Variants in SYNPR observed in about 807,000 individuals in gnomAD.
SYNPR encodes synaptoporin.
Under a neutral mutation model 32.9 loss-of-function variants are expected in SYNPR, and 23 were observed. The ratio of observed to expected loss-of-function variants is 0.70; its 90% CI spans 0.50 to 0.99. The LOEUF is 0.99. Ranked by LOEUF, SYNPR falls within the 50% of genes least tolerant of loss-of-function variation. The pLI is 0.00. For synonymous variants in SYNPR, 146 were observed against 135.9 expected (o/e 1.07, Z -0.52); for missense variants, 318 against 349.3 (o/e 0.91, Z 0.71).
At chr3:63,473,727 T>A (rs944434499) in intron 2 of SYNPR, among the ~76,000 whole-genome samples, 1 of 152,154 alleles carries the variant, frequency 6.6e-6, no homozygotes, top group Non-Finnish European at 1.5e-5. Flanking sequence ...GTGCAAACCA[T>A]GTGAGGACAG....
intron 2 of SYNPR, among the ~76,000 whole-genome samples, chr3:63,457,059 C>T (rs944022330): frequency 3.3e-5 from 5 of 152,054 alleles, no homozygotes; most frequent in African/African-American, 1.2e-4. Flanking sequence ...TAGTCATAAG[C>T]TTTGCCTGTT....
intron 5 of SYNPR, 133 bp from the exon 6 acceptor site, chr3:63,615,091 T>C: frequency 8.9e-7 from 1 of 1,119,796 alleles, no homozygotes; most frequent in Non-Finnish European, 1.2e-6. Context: ...CGGTTCCAAA[T>C]GGAAAACTTG....
intron 2 of SYNPR, among the ~76,000 whole-genome samples, chr3:63,383,586 A>T (rs1474592199): frequency 6.6e-6 from 1 of 152,138 alleles, no homozygotes; most frequent in Admixed American, 6.5e-5. Flanking sequence ...GCATGATTGC[A>T]GTGAGCCGAG....
At chr3:63,218,575 C>G in the SYNPR span, among the ~76,000 whole-genome samples, 1 of 152,160 alleles carries the variant, frequency 6.6e-6, no homozygotes, top group Non-Finnish European at 1.5e-5. Flanking sequence ...GCCTCTCAGG[C>G]TATAAAGTGA....
chr3:63,375,002 C>T (rs918844591), intron 2 of SYNPR, among the ~76,000 whole-genome samples: 1 of 151,996 alleles, frequency 6.6e-6, no homozygotes. Flanking sequence ...CAGAGAAATG[C>T]AAATCAAAAC....
chr3:63,315,010 G>A (rs2087025870), intron 2 of SYNPR, among the ~76,000 whole-genome samples: 1 of 151,762 alleles, frequency 6.6e-6, no homozygotes, highest in South Asian at 2.1e-4. Context: ...CCCACTTTTT[G>A]TTTTTGTTTG....
intron 2 of SYNPR, among the ~76,000 whole-genome samples, chr3:63,361,928 T>C (rs2087667688): frequency 6.6e-6 from 1 of 152,222 alleles, no homozygotes; most frequent in Non-Finnish European, 1.5e-5. Context: ...AGAATATTTT[T>C]GAGGATAGAT....
intron 2 of SYNPR, among the ~76,000 whole-genome samples, chr3:63,261,501 C>G (rs1314520738): frequency 5.7e-5 from 8 of 139,350 alleles, no homozygotes; most frequent in African/African-American, 1.1e-4. Context: ...TCACTCATAG[C>G]TGGGAATTGA....
At chr3:63,431,809 T>TA (rs936873596) in intron 2 of SYNPR, among the ~76,000 whole-genome samples, 4 of 148,184 alleles carry the variant, frequency 2.7e-5, no homozygotes, top group African/African-American at 5.0e-5. Flanking sequence ...GAGTCCTCAT[T>TA]AAAAAAAAGT....
chr3:63,345,842 T>C (rs2087430842), intron 2 of SYNPR, among the ~76,000 whole-genome samples: 1 of 151,952 alleles, frequency 6.6e-6, no homozygotes, highest in South Asian at 2.1e-4. Flanking sequence ...TGAGATGGAC[T>C]CTTGTTCTGT....
intron 4 of SYNPR, among the ~76,000 whole-genome samples, chr3:63,586,172 T>C (rs1173710584): frequency 1.3e-5 from 2 of 152,022 alleles, no homozygotes; most frequent in Non-Finnish European, 2.9e-5. Context: ...TGGGTTGATA[T>C]ATGACAGAAT....
intron 2 of SYNPR, among the ~76,000 whole-genome samples, chr3:63,357,854 T>C (rs1560203848): frequency 6.6e-6 from 1 of 152,232 alleles, no homozygotes; most frequent in Non-Finnish European, 1.5e-5. Context: ...TATGACTGAA[T>C]GTATTGGCAA....
intron 3 of SYNPR, among the ~76,000 whole-genome samples, chr3:63,501,383 A>G (rs1701475480): frequency 6.7e-6 from 1 of 149,982 alleles, no homozygotes; most frequent in Non-Finnish European, 1.5e-5. Flanking sequence ...CTGGGCTGAG[A>G]TGGGAGGATC....
intron 2 of SYNPR, among the ~76,000 whole-genome samples, chr3:63,361,631 A>G (rs1302332133): frequency 2.6e-5 from 4 of 151,526 alleles, no homozygotes; most frequent in Non-Finnish European, 4.4e-5. Context: ...GGGGGGATAT[A>G]AAGCCAACAC....
intron 2 of SYNPR, among the ~76,000 whole-genome samples, chr3:63,391,761 C>G (rs2088139574): frequency 6.6e-6 from 1 of 152,158 alleles, no homozygotes; most frequent in South Asian, 2.1e-4. Context: ...TAGTGGCAGA[C>G]TGAGAGGTGG....
intron 2 of SYNPR, among the ~76,000 whole-genome samples, chr3:63,479,587 T>A (rs1701005134): frequency 6.6e-6 from 1 of 152,170 alleles, no homozygotes; most frequent in Non-Finnish European, 1.5e-5. Flanking sequence ...TCTGAGGCTT[T>A]TTTTCTACCC....
At chr3:63,313,221 T>A (rs1383177162) in intron 2 of SYNPR, among the ~76,000 whole-genome samples, 1 of 151,940 alleles carries the variant, frequency 6.6e-6, no homozygotes, top group Non-Finnish European at 1.5e-5. Context: ...TGATTTTTTT[T>A]ATTATTGTAT....
At chr3:63,489,744 T>TGCATACAAA (rs1445091310) in intron 3 of SYNPR, among the ~76,000 whole-genome samples, 10 of 152,166 alleles carry the variant, frequency 6.6e-5, no homozygotes, top group Non-Finnish European at 1.0e-4. Context: ...TGTACATATT[T>TGCATACAAA]TTACAGTTGT....
chr3:63,544,765 T>C (rs769072622), intron 3 of SYNPR, among the ~76,000 whole-genome samples: 9 of 152,104 alleles, frequency 5.9e-5, no homozygotes, highest in Non-Finnish European at 1.2e-4. Flanking sequence ...ACACCTTTAA[T>C]TGTGAGCTTT....
Sources: gnomAD v4.1 joint callset for allele counts (sites outside exome capture counted in the v4.1 genomes callset) on GRCh38, gnomAD v4.1.1 for gene constraint, MANE v1.5 for transcripts, NCBI Gene and HGNC (gene_info 2026-07-23, HGNC 2026-07-21) for gene names.